DMD: variants seen among roughly 807,000 people sequenced by gnomAD.
DMD encodes dystrophin, also known as mutant dystrophin.
A neutral mutation model predicts 330.1 loss-of-function variants in DMD; 63 were observed. The observed-to-expected ratio is 0.19, with a 90% CI of 0.16 to 0.24. The LOEUF is 0.24. Among genes scored for constraint, DMD ranks in the 10% least tolerant of loss-of-function variants. The pLI is 1.00. For synonymous variants in DMD, 1,223 were observed against 959.8 expected (o/e 1.27, Z -5.07); for missense variants, 3,344 against 2,684.1 (o/e 1.25, Z -5.43).
intron 4 of DMD, among the ~76,000 whole-genome samples, chrX:32,826,744 A>G (rs1003514747): frequency 1.8e-5 from 2 of 111,288 alleles, no homozygotes; most frequent in Non-Finnish European, 3.8e-5. Flanking sequence ...ACTAAATTAC[A>G]TTTAATAGGA....
intron 58 of DMD, 84 bp downstream of exon 58, chrX:31,478,899 G>T: frequency 9.5e-7 from 1 of 1,056,367 alleles, no homozygotes; most frequent in Non-Finnish European, 1.3e-6. Context: ...GAGCTATCCA[G>T]ACCCTGGCAG....
At chrX:33,070,620 T>A (rs2148152011) in intron 1 of DMD, among the ~76,000 whole-genome samples, 1 of 102,290 alleles carries the variant, frequency 9.8e-6, no homozygotes, top group African/African-American at 3.5e-5. Context: ...ATTTGAGGTA[T>A]CTATATCTGT....
chrX:32,562,629 A>T (rs1298680404), intron 16 of DMD, among the ~76,000 whole-genome samples: 1 of 112,611 alleles, frequency 8.9e-6, no homozygotes, highest in Admixed American at 9.4e-5. Context: ...TTCTCCCACA[A>T]TCATTATAGA....
intron 52 of DMD, among the ~76,000 whole-genome samples, chrX:31,711,880 C>T (rs2084663422): frequency 9.0e-6 from 1 of 111,329 alleles, no homozygotes; most frequent in African/African-American, 3.3e-5. Context: ...TCTACATCTT[C>T]TTTTCCTCAT....
At chrX:32,400,094 T>G (rs1404624257) in intron 30 of DMD, among the ~76,000 whole-genome samples, 1 of 111,728 alleles carries the variant, frequency 9.0e-6, no homozygotes, top group African/African-American at 3.3e-5. Context: ...GGCTGTGGGT[T>G]TGTCATAGAT....
chrX:32,193,994 T>G (rs1030327255), intron 44 of DMD, among the ~76,000 whole-genome samples: 5 of 111,777 alleles, frequency 4.5e-5, no homozygotes, highest in African/African-American at 1.3e-4. Flanking sequence ...GTGAAGAAGT[T>G]GAAATCGCGA....
chrX:32,312,942 C>CAATAA (rs2097568884), intron 41 of DMD, among the ~76,000 whole-genome samples: 1 of 20,377 alleles, frequency 4.9e-5, no homozygotes, highest in Admixed American at 1.0e-3. Context: ...GCCTACGAAC[C>CAATAA]AAAAAAAAAA....
At chrX:31,664,503 G>A (rs1295638316) in intron 53 of DMD, among the ~76,000 whole-genome samples, 1 of 98,397 alleles carries the variant, frequency 1.0e-5, no homozygotes, top group Non-Finnish European at 2.0e-5. Flanking sequence ...TCTTTTGGTC[G>A]CCTCTGTATT....
intron 66 of DMD, among the ~76,000 whole-genome samples, chrX:31,205,279 G>C (rs773142391): frequency 1.8e-5 from 2 of 111,912 alleles, no homozygotes; most frequent in East Asian, 5.6e-4. Flanking sequence ...GTTTTAACAG[G>C]ATACCTAAGA....
chrX:31,448,247 G>T (rs1241500761), intron 59 of DMD, among the ~76,000 whole-genome samples: 1 of 110,798 alleles, frequency 9.0e-6, no homozygotes, highest in Non-Finnish European at 1.9e-5. Flanking sequence ...GAAGGTGGAA[G>T]AAAGGAGATA....
At chrX:32,190,760 T>C (rs940154819) in intron 44 of DMD, among the ~76,000 whole-genome samples, 8 of 108,804 alleles carry the variant, frequency 7.4e-5, no homozygotes, top group Non-Finnish European at 1.5e-4. Flanking sequence ...AGTTTTGTTT[T>C]ACATCCGTGT....
chrX:32,909,309 A>C (rs1454880899), intron 2 of DMD, among the ~76,000 whole-genome samples: 1 of 111,142 alleles, frequency 9.0e-6, no homozygotes, highest in Non-Finnish European at 1.9e-5. Flanking sequence ...TTCTAGTCAA[A>C]CTCCAGGGAA....
intron 2 of DMD, among the ~76,000 whole-genome samples, chrX:32,985,378 C>G (rs1256858729): frequency 8.9e-6 from 1 of 112,123 alleles, no homozygotes; most frequent in East Asian, 2.8e-4. Flanking sequence ...ACAATGCACT[C>G]TAAAACTTAC....
chrX:32,813,931 G>A (rs1418608348), intron 6 of DMD, among the ~76,000 whole-genome samples: 1 of 111,460 alleles, frequency 9.0e-6, no homozygotes, highest in Non-Finnish European at 1.9e-5. Context: ...ACATAATATG[G>A]CTGGTTTTCA....
At chrX:31,485,343 C>CGCCA (rs2068706304) in intron 57 of DMD, among the ~76,000 whole-genome samples, 1 of 111,060 alleles carries the variant, frequency 9.0e-6, no homozygotes, top group African/African-American at 3.3e-5. Context: ...TACAGGCACG[C>CGCCA]GCCACCACAC....
chrX:32,409,605 C>T (rs1183737178), intron 30 of DMD, among the ~76,000 whole-genome samples: 2 of 111,595 alleles, frequency 1.8e-5, no homozygotes, highest in African/African-American at 6.5e-5. Flanking sequence ...AATAGCTTTG[C>T]CTATCAAATT....
chrX:31,128,427 GT>G (rs765435458), intron 77 of DMD, among the ~76,000 whole-genome samples: 1 of 112,012 alleles, frequency 8.9e-6, no homozygotes, highest in East Asian at 2.8e-4. Flanking sequence ...GCACACTTTA[GT>G]TTGGATGCCA....
At chrX:31,958,576 A>G (rs2095269964) in intron 45 of DMD, among the ~76,000 whole-genome samples, 1 of 111,757 alleles carries the variant, frequency 8.9e-6, no homozygotes, top group Non-Finnish European at 1.9e-5. Context: ...ATTTGTCACC[A>G]CTAGTGCTCA....
At chrX:32,710,625 A>T (rs1260233580) in intron 7 of DMD, among the ~76,000 whole-genome samples, 1 of 111,198 alleles carries the variant, frequency 9.0e-6, no homozygotes, top group African/African-American at 3.3e-5. Flanking sequence ...ACAAAATAGC[A>T]CCGTGCTTTA....
Sources: gnomAD v4.1 joint callset for allele counts (sites outside exome capture counted in the v4.1 genomes callset) on GRCh38, gnomAD v4.1.1 for gene constraint, MANE v1.5 for transcripts, NCBI Gene and HGNC (gene_info 2026-07-23, HGNC 2026-07-21) for gene names.